Variants in NUMB observed in about 807,000 individuals in gnomAD.
NUMB encodes NUMB endocytic adaptor protein.
In NUMB, 29 loss-of-function variants were observed where a neutral mutation model predicts 59.7. That is an observed-to-expected ratio of 0.49 (90% confidence interval 0.36 to 0.66). The LOEUF (loss-of-function observed/expected upper bound fraction) is 0.66. Ranked by LOEUF, NUMB falls within the 30% of genes least tolerant of loss-of-function variation. The pLI, the probability that NUMB is intolerant of heterozygous loss-of-function variation, is 0.00. For missense variants in NUMB, 723 were observed against 822.0 expected, an observed-to-expected ratio of 0.88 and a Z score of 1.47; for synonymous variants, 288 against 288.2, an observed-to-expected ratio of 1.00 and a Z score of 0.01.
chr14:73,377,978 G>GAT (rs1421919484), intron 2 of NUMB, among the ~76,000 whole-genome samples: 14 of 134,730 alleles, frequency 1.0e-4, no homozygotes, highest in African/African-American at 1.4e-4. Context: ...CATACATATA[G>GAT]ATATATATAT....
At chr14:73,412,973 T>C (rs926863710) in intron 1 of NUMB, among the ~76,000 whole-genome samples, 1 of 152,024 alleles carries the variant, frequency 6.6e-6, no homozygotes, top group African/African-American at 2.4e-5. Context: ...ACTTCCAAGA[T>C]CACAAAAATA....
intron 8 of NUMB, among the ~76,000 whole-genome samples, chr14:73,292,147 C>T (rs1300844204): frequency 3.3e-5 from 5 of 151,752 alleles, no homozygotes. Flanking sequence ...GTGTTCTGCT[C>T]GCCTCAGCCT....
At position 73,276,612 on chromosome 14, in the gene NUMB, C is replaced by T; in HGVS notation, c.1922G>A (p.Ser641Asn). The T allele has an allele frequency of 1.2e-6, 2 of 1,613,736 alleles. No homozygotes were observed. Among genetic ancestry groups the T allele is most frequent in the Non-Finnish European group, 8.5e-7 (1 of 1,179,710 alleles). The change falls in exon 13 of 13, where the codon AGT becomes AAT. Residue 641 changes from serine to asparagine, a missense_variant. Around this residue, in one of 2 missense-constraint regions of NUMB, gnomAD observed 406 missense variants for 385.4 expected, o/e 1.05. Transcript: ENST00000555238. Reference sequence around the variant, plus strand: ...AATTTCAAACGTCTTCTGTAAGTCACTGGAGAAAGGGTTGGTAGGGGAGGG... The same window carrying T: ...AATTTCAAACGTCTTCTGTAAGTCATTGGAGAAAGGGTTGGTAGGGGAGGG... Reference protein sequence around the residue: ...TNPSPTNPFSSDLQKTFEIEL With the variant: ...TNPSPTNPFSNDLQKTFEIEL
intron 2 of NUMB, among the ~76,000 whole-genome samples, chr14:73,375,705 AC>A (rs1268996834): frequency 1.6e-4 from 24 of 152,254 alleles, no homozygotes; most frequent in African/African-American, 5.3e-4. Flanking sequence ...AAAGAATTAT[AC>A]ACCATGACCA....
chr14:73,296,840 T>C (rs1296658991), intron 7 of NUMB, among the ~76,000 whole-genome samples: 1 of 152,120 alleles, frequency 6.6e-6, no homozygotes, highest in African/African-American at 2.4e-5. Flanking sequence ...CTGGCCAACA[T>C]GGTGAAACCC....
chr14:73,349,659 C>G (rs1893106499), intron 4 of NUMB, among the ~76,000 whole-genome samples: 1 of 151,602 alleles, frequency 6.6e-6, no homozygotes, highest in Non-Finnish European at 1.5e-5. Flanking sequence ...ACGGGTGGAT[C>G]ACGAGGCCAG....
chr14:73,385,875 T>G (rs1895494865), intron 2 of NUMB, among the ~76,000 whole-genome samples: 1 of 152,158 alleles, frequency 6.6e-6, no homozygotes, highest in Non-Finnish European at 1.5e-5. Flanking sequence ...ATTGAAAAAT[T>G]CGTTGCAATG....
At chr14:73,331,174 T>C (rs1891953783) in intron 4 of NUMB, among the ~76,000 whole-genome samples, 1 of 152,228 alleles carries the variant, frequency 6.6e-6, no homozygotes, top group South Asian at 2.1e-4. Flanking sequence ...ATAAGATTTA[T>C]AACATTTAAA....
intron 4 of NUMB, among the ~76,000 whole-genome samples, chr14:73,337,809 CAA>C (rs1405473324): frequency 1.3e-5 from 2 of 152,130 alleles, no homozygotes; most frequent in African/African-American, 2.4e-5. Flanking sequence ...TTTCAATATA[CAA>C]AGTGGTTAAT....
At chr14:73,404,761 G>T (rs78053345) in intron 2 of NUMB, among the ~76,000 whole-genome samples, 8,846 of 151,788 alleles carry the variant, frequency 0.058, 721 homozygotes, top group African/African-American at 0.19. Flanking sequence ...AATCTAAAAT[G>T]ATTTTCTTTT....
chr14:73,304,784 G>C (rs1311303566), intron 6 of NUMB, among the ~76,000 whole-genome samples: 2 of 152,080 alleles, frequency 1.3e-5, no homozygotes, highest in Non-Finnish European at 2.9e-5. Flanking sequence ...TTTTGAGGCA[G>C]AGTCTTGCTC....
At chr14:73,404,919 C>T (rs1346857794) in intron 2 of NUMB, among the ~76,000 whole-genome samples, 1 of 151,992 alleles carries the variant, frequency 6.6e-6, no homozygotes, top group Non-Finnish European at 1.5e-5. Flanking sequence ...CACCACTGAG[C>T]CCGGCTAATT....
At chr14:73,300,383 C>T (rs1256165175) in intron 6 of NUMB, among the ~76,000 whole-genome samples, 1 of 152,046 alleles carries the variant, frequency 6.6e-6, no homozygotes, top group Non-Finnish European at 1.5e-5. Flanking sequence ...TCTGGAGAAC[C>T]ATAAATTCAT....
intron 1 of NUMB, among the ~76,000 whole-genome samples, chr14:73,433,778 C>A (rs1185725045): frequency 1.3e-5 from 2 of 151,512 alleles, no homozygotes; most frequent in Non-Finnish European, 2.9e-5. Flanking sequence ...AAACTGATAG[C>A]CTATTTGCAA....
intron 6 of NUMB, among the ~76,000 whole-genome samples, chr14:73,306,310 T>C (rs779253380): frequency 6.6e-6 from 1 of 152,188 alleles, no homozygotes; most frequent in East Asian, 1.9e-4. Context: ...ATCACTTCAA[T>C]TGGGGGAGGG....
intron 3 of NUMB, among the ~76,000 whole-genome samples, chr14:73,360,272 C>T (rs1263427826): frequency 1.3e-5 from 2 of 152,130 alleles, no homozygotes; most frequent in Non-Finnish European, 2.9e-5. Flanking sequence ...AGGTATGGCC[C>T]CGGCTGGGCA....
intron 6 of NUMB, chr14:73,298,195 A>G (rs973151855): frequency 4.6e-5 from 7 of 151,740 alleles, no homozygotes; most frequent in African/African-American, 1.7e-4. Context: ...AGCCTCTAAT[A>G]ATTTTAGAGA....
chr14:73,451,662 C>T (rs1376346076), intron 1 of NUMB, among the ~76,000 whole-genome samples: 1 of 152,052 alleles, frequency 6.6e-6, no homozygotes, highest in African/African-American at 2.4e-5. Flanking sequence ...TCAAAATGTA[C>T]CTGAGATGTA....
In NUMB at chr14:73,277,262, G is replaced by C. The variant is rs1420845550; in HGVS notation, c.1272C>G (p.Ala424=). 1.2e-6 allele frequency: 2 copies of C among 1,604,672 alleles called. No individual in the cohort carries two copies. Among genetic ancestry groups the C allele is most frequent in the Non-Finnish European group, 1.7e-6 (2 of 1,172,346 alleles). Residue 424 remains alanine (A), a synonymous_variant, in exon 13 of 13, where the codon GCC becomes GCG. Transcript: ENST00000555238. ...GACCGGCCTGGAAGAGACCTGGAGA[G>C]GCAGCACCAGAAGATTGACCCCACT... The part of the protein sequence containing the change: ...GTEWGQSSGA[A]SPGLFQAGHR...
Sources: gnomAD v4.1 joint callset for allele counts (sites outside exome capture counted in the v4.1 genomes callset) on GRCh38, gnomAD v4.1.1 for gene constraint, gnomAD v4.1.1 regional missense constraint, MANE v1.5 for transcripts, NCBI Gene and HGNC (gene_info 2026-07-23, HGNC 2026-07-21) for gene names.